The following DOCK4 variants were observed in gnomAD, a reference collection of about 807,000 sequenced individuals.
The protein encoded by DOCK4 is dedicator of cytokinesis protein 4.
In DOCK4, 97 loss-of-function variants were observed where a neutral mutation model predicts 268.1. The ratio of observed to expected loss-of-function variants is 0.36; its 90% CI spans 0.31 to 0.43. The LOEUF (loss-of-function observed/expected upper bound fraction) is 0.43. Among genes scored for constraint, DOCK4 ranks in the 20% least tolerant of loss-of-function variants. DOCK4 has a pLI of 1.00. For missense variants in DOCK4, 2,145 were observed against 2,455.7 expected (o/e 0.87, Z 2.67); for synonymous variants, 954 against 887.2 (o/e 1.08, Z -1.34).
In DOCK4 at chr7:111,911,578, A is replaced by T. The variant is rs150339846; in HGVS notation, c.1192+4201T>A. Among the ~76,000 whole-genome samples the T allele has an allele frequency of 7.4e-3, 1,121 of 152,310 alleles. 11 individuals carry two copies. Among genetic ancestry groups the T allele is most frequent in the Middle Eastern group, 0.031 (9 of 294 alleles). On this transcript the variant is annotated intron_variant, in intron 13 of 52. Coordinates refer to ENST00000428084, the MANE Select transcript of DOCK4 (RefSeq NM_001363540.2). ...AGAACAATTTTCCTGGACAGTGTAGACTTCGCATTACAAGGTGGTACCGGA... is the reference window on the plus strand; with the variant it reads ...AGAACAATTTTCCTGGACAGTGTAGTCTTCGCATTACAAGGTGGTACCGGA...
intron 11 of DOCK4, among the ~76,000 whole-genome samples, chr7:111,938,803 A>T (rs1286740390): frequency 6.6e-6 from 1 of 152,044 alleles, no homozygotes; most frequent in African/African-American, 2.4e-5. Context: ...ATATGACTGT[A>T]TCTTTATAAA....
intron 1 of DOCK4, among the ~76,000 whole-genome samples, chr7:112,024,960 C>G (rs1802644872): frequency 6.6e-6 from 1 of 152,152 alleles, no homozygotes; most frequent in African/African-American, 2.4e-5. Flanking sequence ...ACTTCTTTCT[C>G]ATTATTTCAT....
intron 1 of DOCK4, among the ~76,000 whole-genome samples, chr7:112,142,254 A>T (rs1385552715): frequency 6.6e-6 from 1 of 152,200 alleles, no homozygotes; most frequent in Non-Finnish European, 1.5e-5. Flanking sequence ...AACCTGGCAG[A>T]GTATAGGGCC....
At chr7:112,152,141 C>A (rs945101560) in intron 1 of DOCK4, among the ~76,000 whole-genome samples, 4 of 152,200 alleles carry the variant, frequency 2.6e-5, no homozygotes, top group African/African-American at 9.6e-5. Flanking sequence ...AAGGCACATG[C>A]TCAACTTTAA....
At chr7:111,999,381 T>C (rs1486856254) in intron 3 of DOCK4, among the ~76,000 whole-genome samples, 1 of 152,092 alleles carries the variant, frequency 6.6e-6, no homozygotes, top group Admixed American at 6.6e-5. Context: ...CGCACTTGTT[T>C]TCTTCAATAT....
At chr7:111,739,555 T>C in intron 47 of DOCK4, 78 bp from the exon 48 acceptor site, 1 of 1,292,374 alleles carries the variant, frequency 7.7e-7, no homozygotes, top group Non-Finnish European at 1.1e-6. Flanking sequence ...AACAAAATCA[T>C]CAACTTTTTT....
intron 8 of DOCK4, among the ~76,000 whole-genome samples, chr7:111,970,211 T>G (rs561940876): frequency 3.3e-5 from 5 of 152,196 alleles, no homozygotes; most frequent in Admixed American, 2.6e-4. Flanking sequence ...CTGTACATGA[T>G]GAGTATGAGT....
intron 17 of DOCK4, among the ~76,000 whole-genome samples, chr7:111,876,315 C>T (rs1466829972): frequency 1.3e-5 from 2 of 151,912 alleles, no homozygotes; most frequent in Non-Finnish European, 2.9e-5. Context: ...GAAATATTTC[C>T]TTCTACAAAT....
At chr7:111,980,683 A>G (rs1445574963) in intron 7 of DOCK4, among the ~76,000 whole-genome samples, 1 of 152,194 alleles carries the variant, frequency 6.6e-6, no homozygotes, top group Non-Finnish European at 1.5e-5. Context: ...AGATGCCAAT[A>G]GTACCTCTCC....
chr7:111,834,513 A>G (rs546100711), intron 26 of DOCK4, 75 bp downstream of exon 26: 2 of 1,139,138 alleles, frequency 1.8e-6, no homozygotes, highest in Admixed American at 5.0e-5. Context: ...TCTAGGATTT[A>G]TCTCAACAGT....
rs375791144 is a variant in DOCK4 at position 111,983,860 on chromosome 7, G to GCACACACACACACACACACACACACA, written c.549+445_549+446insTGTGTGTGTGTGTGTGTGTGTGTGTG. Among the ~76,000 whole-genome samples the GCACACACACACACACACACACACACA allele has an allele frequency of 3.1e-3, 395 of 128,866 alleles. 1 individual carries two copies. The highest frequency in any genetic ancestry group is 4.2e-3 in the Non-Finnish European group (255 of 61,406). The allele number at this position is 128,866 out of a possible 152,430, so 84.5% of individuals were successfully genotyped here. ...TACACACACACGCGCGCGCGCGCGC[G>GCACACACACACACACACACACACACA]CGCACACACACACACACACACACAC... On this transcript the variant is annotated intron_variant, in intron 7 of 52. Coordinates refer to ENST00000428084, the MANE Select transcript of DOCK4 (RefSeq NM_001363540.2).
At chr7:111,928,752 C>A (rs1156585392) in intron 12 of DOCK4, among the ~76,000 whole-genome samples, 1 of 151,922 alleles carries the variant, frequency 6.6e-6, no homozygotes, top group Non-Finnish European at 1.5e-5. Context: ...CCACACCCAG[C>A]TAATTTTTGT....
rs527552692 is a variant in DOCK4, at chr7:112,072,073, T to C, written c.38-67942A>G. 8.5e-5 allele frequency among the ~76,000 whole-genome samples: 13 copies of C among 152,302 alleles called. 2 individuals are homozygous for C. The highest frequency in any genetic ancestry group is 4.1e-4 in the South Asian group (2 of 4,832). On this transcript the variant is annotated intron_variant, in intron 1 of 52. Coordinates refer to ENST00000428084, the MANE Select transcript of DOCK4 (RefSeq NM_001363540.2). ...ATAACCTGTTTGAACACCATAGCTA[T>C]TGGGAATTCAAAACATCTTCTCTTT...
chr7:111,869,350 G>C, intron 21 of DOCK4: 1 of 486,118 alleles, frequency 2.1e-6, no homozygotes, highest in Non-Finnish European at 3.8e-6. Flanking sequence ...CCAGCCCAGA[G>C]GAACAAGGAT....
chr7:112,176,396 G>A (rs2523021), intron 1 of DOCK4, among the ~76,000 whole-genome samples: 57,272 of 151,886 alleles, frequency 0.38, 12,430 homozygotes, highest in African/African-American at 0.6. Context: ...ACTTCACAAT[G>A]CTCTATTTGG....
chr7:111,810,495 C>A (rs1484128544), intron 28 of DOCK4, among the ~76,000 whole-genome samples: 1 of 151,370 alleles, frequency 6.6e-6, no homozygotes, highest in Non-Finnish European at 1.5e-5. Flanking sequence ...AGACAATTCA[C>A]AAAAATATGA....
In DOCK4 at chr7:111,811,874, C is replaced by A; in HGVS notation, c.3006G>T (p.Lys1002Asn). ...KNFLNENFDY[K>N]IWDSYFYLAV... ...GAGAGTCATATAAATGAATGCTTAC[C>A]TTATAATCAAAGTTTTCATTTAAGA... The change falls in exon 28 of 53, where the codon AAG becomes AAT. Residue 1002 changes from lysine (K) to asparagine (N), a missense_variant and splice_region_variant. Physicochemically the swap from Lys to Asn is moderately conservative, Grantham distance 94. Transcript: ENST00000428084. 2 of 1,498,094 alleles carry A rather than the reference C, an allele frequency of 1.3e-6. No individual in the cohort carries two copies. Among genetic ancestry groups the A allele is most frequent in the South Asian group, 2.4e-5 (2 of 82,538 alleles). 92.8% of individuals were successfully genotyped at this position (1,498,094 alleles called of 1,614,324 possible). A position where few individuals can be genotyped will look rare whatever the true frequency, so the allele number is the denominator to read the frequency against.
chr7:112,143,788 C>T (rs1047380798), intron 1 of DOCK4, among the ~76,000 whole-genome samples: 1 of 152,172 alleles, frequency 6.6e-6, no homozygotes, highest in Admixed American at 6.5e-5. Context: ...GGAAGCCTGC[C>T]AGGGCTAACC....
intron 7 of DOCK4, among the ~76,000 whole-genome samples, chr7:111,982,529 T>C (rs1312736311): frequency 1.3e-5 from 2 of 152,238 alleles, no homozygotes; most frequent in Non-Finnish European, 2.9e-5. Context: ...ATATTTCTTA[T>C]CTAATCTTCA....
Sources: gnomAD v4.1 joint callset for allele counts (sites outside exome capture counted in the v4.1 genomes callset) on GRCh38, gnomAD v4.1.1 for gene constraint, MANE v1.5 for transcripts, NCBI Gene and HGNC (gene_info 2026-07-23, HGNC 2026-07-21) for gene names.